Variants in PHC1 observed in about 807,000 individuals in gnomAD.
The protein encoded by PHC1 is polyhomeotic-like protein 1.
PHC1 carries 12 observed loss-of-function variants against 104.3 expected under a neutral mutation model. The ratio of observed to expected loss-of-function variants is 0.12; its 90% CI spans 0.07 to 0.19. The LOEUF is 0.19. PHC1 is among the 10% of genes least tolerant of loss of function. The pLI, the probability that PHC1 is intolerant of heterozygous loss-of-function variation, is 1.00. For missense variants in PHC1, 671 were observed against 1,200.0 expected, an observed-to-expected ratio of 0.56 and a Z score of 6.51; for synonymous variants, 302 against 455.8, an observed-to-expected ratio of 0.66 and a Z score of 4.30.
intron 1 of PHC1, among the ~76,000 whole-genome samples, chr12:8,915,441 A>C (rs1413530454): frequency 6.6e-6 from 1 of 151,556 alleles, no homozygotes; most frequent in Non-Finnish European, 1.5e-5. Flanking sequence ...TCTGCATGAT[A>C]AGAGTTTCGT....
intron 9 of PHC1, 57 bp from the exon 10 acceptor site, chr12:8,934,210 A>G: frequency 7.0e-7 from 1 of 1,425,282 alleles, no homozygotes; most frequent in Non-Finnish European, 9.8e-7. Context: ...GGCTCAACTA[A>G]TAGATGGATC....
In PHC1 at chr12:8,933,359, T is replaced by G; in HGVS notation, c.1893+9T>G. ...AGTCTGTGCACTTGCCGGTGAGTGA[T>G]GTCTGATGGTTTTGAGGGCACTATT... On this transcript the variant is annotated intron_variant, in intron 8 of 14. Transcript: ENST00000544916. 6.4e-7 allele frequency: 1 copy of G among 1,553,336 alleles called. No homozygotes were observed. The highest frequency in any genetic ancestry group is 8.8e-7 in the Non-Finnish European group (1 of 1,142,238).
rs1029698691 is a variant in PHC1 at position 8,934,151 on chromosome 12, C to T, written c.2042-116C>T. The T allele has an allele frequency of 6.9e-6, 9 of 1,299,862 alleles. No individual in the cohort carries two copies. In the African/African-American group the frequency reaches 8.7e-5, roughly 13 times the overall value. The allele number at this position is 1,299,862 out of a possible 1,614,324, so 80.5% of individuals were successfully genotyped here. A position where few individuals can be genotyped will look rare whatever the true frequency, so the allele number is the denominator to read the frequency against. On this transcript the variant is annotated intron_variant, in intron 9 of 14. Coordinates refer to ENST00000544916, the MANE Select transcript of PHC1 (RefSeq NM_004426.3). The stretch of plus-strand genomic sequence containing the variant: ...ATGAATAGATCCAAAAACAGGGAAT[C>T]CAGGTGAATTGTCAAGGGTGGACAT...
At chr12:8,937,796 C>G (rs775005729) in intron 13 of PHC1, 33 bp from the exon 14 acceptor site, 1 of 1,544,318 alleles carries the variant, frequency 6.5e-7, no homozygotes, top group Non-Finnish European at 8.9e-7. Flanking sequence ...ACCTTTGACA[C>G]TGACCTCATT....
chr12:8,918,880 G>C (rs908810095), intron 2 of PHC1, among the ~76,000 whole-genome samples: 1 of 152,140 alleles, frequency 6.6e-6, no homozygotes, highest in Admixed American at 6.5e-5. Flanking sequence ...GTCATAGAGC[G>C]CACTTACACA....
chr12:8,928,198 G>A (rs1021424850), intron 6 of PHC1, among the ~76,000 whole-genome samples: 3 of 152,002 alleles, frequency 2.0e-5, no homozygotes, highest in Non-Finnish European at 4.4e-5. Context: ...GTGAGCCACT[G>A]CACCGGCCTA....
intron 2 of PHC1, among the ~76,000 whole-genome samples, chr12:8,918,340 A>G (rs1010410601): frequency 1.3e-5 from 2 of 152,274 alleles, no homozygotes; most frequent in African/African-American, 4.8e-5. Flanking sequence ...GCATACTGAT[A>G]TGTAAAAATG....
chr12:8,927,745 C>G (rs1449624061), intron 6 of PHC1, among the ~76,000 whole-genome samples: 1 of 152,176 alleles, frequency 6.6e-6, no homozygotes, highest in African/African-American at 2.4e-5. Flanking sequence ...ATTATGTGCT[C>G]TAGCACCCAA....
intron 3 of PHC1, 87 bp from the exon 4 acceptor site, chr12:8,920,898 T>C: frequency 2.3e-6 from 2 of 868,068 alleles, no homozygotes; most frequent in East Asian, 4.9e-5. Flanking sequence ...AATCTCTATG[T>C]TTTGTGCTTG....
intron 2 of PHC1, among the ~76,000 whole-genome samples, chr12:8,918,254 T>C (rs1181423414): frequency 6.6e-6 from 1 of 152,258 alleles, no homozygotes; most frequent in Non-Finnish European, 1.5e-5. Context: ...GTTCTAATTA[T>C]TAAAGAATAA....
chr12:8,937,156 A>G lies in PHC1; in HGVS notation c.2478-20A>G, dbSNP rs375597519. Reference sequence around the variant, plus strand: ...TCTTCTGTGGCACTATTGACATCCTATATATGCCCTGTCCTGTAGGTACAA... The same window carrying G: ...TCTTCTGTGGCACTATTGACATCCTGTATATGCCCTGTCCTGTAGGTACAA... On this transcript the variant is annotated intron_variant, in intron 12 of 14. Transcript: ENST00000544916. 5.0e-6 allele frequency: 8 copies of G among 1,604,632 alleles called. No homozygotes were observed. The highest frequency in any genetic ancestry group is 2.2e-5 in the East Asian group (1 of 44,802).
chr12:8,939,263 TATC>T, intron 14 of PHC1, 39 bp from the exon 15 acceptor site: 3 of 1,611,632 alleles, frequency 1.9e-6, no homozygotes, highest in Non-Finnish European at 2.5e-6. Flanking sequence ...TCCCTTCTCC[TATC>T]ATCTGGCATT....
At chr12:8,937,760 G>T in intron 13 of PHC1, 69 bp from the exon 14 acceptor site, 1 of 1,265,796 alleles carries the variant, frequency 7.9e-7, no homozygotes. Flanking sequence ...ACCCAGGGTG[G>T]TTTGGGAAGA....
At chr12:8,927,976 G>A (rs1234413704) in intron 6 of PHC1, among the ~76,000 whole-genome samples, 3 of 139,818 alleles carry the variant, frequency 2.1e-5, no homozygotes, top group Non-Finnish European at 3.0e-5. Context: ...GTGTGATCTC[G>A]GCTCACTGCA....
Position 8,937,944 on chromosome 12 carries a change from A to G in PHC1, c.2744A>G (p.Asn915Ser), listed in dbSNP as rs773060171. 6.2e-7 allele frequency: 1 copy of G among 1,601,732 alleles called. No homozygotes were observed. The highest frequency in any genetic ancestry group is 8.6e-7 in the Non-Finnish European group (1 of 1,168,920). Residue 915 changes from asparagine (N) to serine (S), a missense_variant, in exon 14 of 15, where the codon AAT (asparagine) becomes AGT (serine). Asn to Ser is a conservative substitution (Grantham distance 46). Transcript: ENST00000544916. ...GGGCATGGAGAACGTGACCTGGGGA[A>G]TCCCAATACAGCTCCACCTACACCG... is the stretch of plus-strand genomic sequence containing the variant. ...RAGHGERDLG[N>S]PNTAPPTPEL...
In PHC1 at chr12:8,917,768, C is replaced by G; in HGVS notation, c.91C>G (p.Leu31Val). 1 of 1,577,158 alleles carries G rather than the reference C, an allele frequency of 6.3e-7. No homozygotes were observed. The highest frequency in any genetic ancestry group is 8.6e-7 in the Non-Finnish European group (1 of 1,159,878). Residue 31 changes from leucine to valine, a missense_variant, in exon 2 of 15, where the codon CTT (leucine) becomes GTT (valine). Around this residue, in one of 9 missense-constraint regions of PHC1, gnomAD observed 237 missense variants for 331.1 expected, o/e 0.72. Transcript: ENST00000544916. ...TCGGCCCCAGATAGCTCAAATGTCA[C>G]TTTATGAACGACAAGCAGTGCAGGT... ...SSRPQIAQMS[L>V]YERQAVQALQ...
chr12:8,918,863 C>T (rs983460321), intron 2 of PHC1, among the ~76,000 whole-genome samples: 5 of 152,164 alleles, frequency 3.3e-5, no homozygotes, highest in African/African-American at 9.7e-5. Context: ...TTTGTAATTG[C>T]GTGACTGTCA....
intron 13 of PHC1, 33 bp downstream of exon 13, chr12:8,937,359 A>G (rs747475697): frequency 6.5e-7 from 1 of 1,548,412 alleles, no homozygotes; most frequent in Non-Finnish European, 8.7e-7. Context: ...AGATGCCTTT[A>G]AACTGGGTCT....
chr12:8,919,823 A>G lies in PHC1; in HGVS notation c.182A>G (p.Gln61Arg). The stretch of plus-strand genomic sequence containing the variant: ...TTCCACCAGTTCATGCTCCAGCAGC[A>G]GCTCAGTAATGCCCAGCTGCATAGC... ...QYFHQFMLQQ[Q>R]LSNAQLHSLA... The change falls in exon 3 of 15, where the codon CAG becomes CGG. Residue 61 changes from glutamine to arginine, a missense_variant. Around this residue, in one of 9 missense-constraint regions of PHC1, gnomAD observed 237 missense variants for 331.1 expected, o/e 0.72. Coordinates refer to ENST00000544916, the MANE Select transcript of PHC1 (RefSeq NM_004426.3). This position sits in a 1 kb window ranked among gnomAD's most constrained non-coding sequence, Gnocchi z 4.9. 6.2e-7 allele frequency: 1 copy of G among 1,610,754 alleles called. No individual in the cohort carries two copies.
Sources: allele counts gnomAD v4.1 joint callset (sites outside exome capture counted in the v4.1 genomes callset), GRCh38; gene constraint gnomAD v4.1.1; regional missense constraint gnomAD v4.1.1; non-coding constraint Gnocchi (gnomAD v3.1); transcripts MANE v1.5; gene names NCBI Gene and HGNC (gene_info 2026-07-23, HGNC 2026-07-21).